Variants in ST6GALNAC3 observed in about 807,000 individuals in gnomAD.
The protein encoded by ST6GALNAC3 is ST6 N-acetylgalactosaminide alpha-2,6-sialyltransferase 3.
Under a neutral mutation model 32.7 loss-of-function variants are expected in ST6GALNAC3, and 25 were observed. That is an observed-to-expected ratio of 0.76 (90% confidence interval 0.56 to 1.07). The LOEUF (loss-of-function observed/expected upper bound fraction) is 1.07, where lower values mean the gene tolerates loss of function less well. ST6GALNAC3 is among the 50% of genes least tolerant of loss of function. ST6GALNAC3 has a pLI of 0.00. For missense variants in ST6GALNAC3, 355 were observed against 382.4 expected, an observed-to-expected ratio of 0.93 and a Z score of 0.60; for synonymous variants, 129 against 133.1, an observed-to-expected ratio of 0.97 and a Z score of 0.21.
intron 3 of ST6GALNAC3, among the ~76,000 whole-genome samples, chr1:76,445,831 T>C (rs1213861873): frequency 6.6e-6 from 1 of 152,196 alleles, no homozygotes; most frequent in Non-Finnish European, 1.5e-5. Flanking sequence ...CCCCTCGTCA[T>C]GTCTTATTCT....
At chr1:76,554,805 A>G (rs41509344) in intron 3 of ST6GALNAC3, among the ~76,000 whole-genome samples, 5,095 of 152,252 alleles carry the variant, frequency 0.033, 286 homozygotes, top group African/African-American at 0.12. Context: ...CACTTCTAAT[A>G]ATTCTAATGA....
chr1:76,322,060 A>T (rs1422746838), intron 2 of ST6GALNAC3, among the ~76,000 whole-genome samples: 1 of 152,150 alleles, frequency 6.6e-6, no homozygotes, highest in Non-Finnish European at 1.5e-5. Context: ...CCATTTGCCA[A>T]CTATCTTGTT....
intron 1 of ST6GALNAC3, among the ~76,000 whole-genome samples, chr1:76,246,703 T>C (rs932636743): frequency 1.2e-4 from 18 of 152,192 alleles, no homozygotes; most frequent in African/African-American, 4.3e-4. Context: ...TAACAGTTCC[T>C]GTAACCTTTT....
intron 3 of ST6GALNAC3, among the ~76,000 whole-genome samples, chr1:76,565,037 C>A (rs1665470252): frequency 6.6e-6 from 1 of 152,156 alleles, no homozygotes; most frequent in Admixed American, 6.5e-5. Context: ...TTCCCCATTT[C>A]CGTTTCCAAA....
intron 3 of ST6GALNAC3, among the ~76,000 whole-genome samples, chr1:76,453,853 C>A (rs1481096188): frequency 6.6e-6 from 1 of 151,998 alleles, no homozygotes; most frequent in Non-Finnish European, 1.5e-5. Context: ...ATCTTGATGA[C>A]CTGTCTAGTG....
intron 1 of ST6GALNAC3, among the ~76,000 whole-genome samples, chr1:76,167,692 G>A (rs1320647688): frequency 2.6e-5 from 4 of 152,104 alleles, no homozygotes; most frequent in Non-Finnish European, 4.4e-5. Context: ...CAGGGATTCA[G>A]TTTCTTCCTG....
intron 1 of ST6GALNAC3, among the ~76,000 whole-genome samples, chr1:76,261,785 C>T (rs1658252546): frequency 1.3e-5 from 2 of 152,082 alleles, no homozygotes; most frequent in African/African-American, 4.8e-5. Flanking sequence ...CCTCTTTTGG[C>T]CTAATGCATT....
intron 1 of ST6GALNAC3, among the ~76,000 whole-genome samples, chr1:76,114,700 G>A (rs970785393): frequency 2.0e-5 from 3 of 152,098 alleles, no homozygotes; most frequent in Non-Finnish European, 2.9e-5. Context: ...TTTGAGGTCA[G>A]GAGTTCGAGA....
At chr1:76,292,845 A>G (rs551381447) in intron 1 of ST6GALNAC3, among the ~76,000 whole-genome samples, 23 of 152,174 alleles carry the variant, frequency 1.5e-4, no homozygotes, top group Non-Finnish European at 2.5e-4. Flanking sequence ...TTTCTGATAT[A>G]TAAAACCAAA....
At chr1:76,467,873 A>G (rs1026642165) in intron 3 of ST6GALNAC3, among the ~76,000 whole-genome samples, 2 of 151,974 alleles carry the variant, frequency 1.3e-5, no homozygotes, top group Admixed American at 1.3e-4. Flanking sequence ...ATGAAATACA[A>G]TTTTCACTGT....
chr1:76,321,276 T>C (rs944687279), intron 2 of ST6GALNAC3, among the ~76,000 whole-genome samples: 2 of 152,068 alleles, frequency 1.3e-5, no homozygotes, highest in Admixed American at 1.3e-4. Context: ...TCTCTGGATG[T>C]CAGTAGCTGT....
intron 1 of ST6GALNAC3, among the ~76,000 whole-genome samples, chr1:76,169,041 A>T (rs999851861): frequency 3.3e-5 from 5 of 152,068 alleles, no homozygotes; most frequent in Admixed American, 2.0e-4. Context: ...TGATTGTTTT[A>T]TAGTGTGACT....
chr1:76,200,582 A>G (rs936261185), intron 1 of ST6GALNAC3, among the ~76,000 whole-genome samples: 6 of 152,182 alleles, frequency 3.9e-5, no homozygotes, highest in African/African-American at 1.4e-4. Context: ...TGCTATGTGT[A>G]TATTCTTAAA....
chr1:76,208,488 C>G (rs982834674), intron 1 of ST6GALNAC3, among the ~76,000 whole-genome samples: 1 of 152,212 alleles, frequency 6.6e-6, no homozygotes, highest in Admixed American at 6.5e-5. Flanking sequence ...CCATGTGCCT[C>G]TGTCTTCTGG....
intron 2 of ST6GALNAC3, among the ~76,000 whole-genome samples, chr1:76,355,438 G>C (rs76549516): frequency 6.6e-6 from 1 of 152,034 alleles, no homozygotes. Flanking sequence ...TTGTGATAAA[G>C]AGGATAAATC....
chr1:76,109,279 C>T (rs1420434600), intron 1 of ST6GALNAC3, among the ~76,000 whole-genome samples: 1 of 152,132 alleles, frequency 6.6e-6, no homozygotes, highest in Non-Finnish European at 1.5e-5. Flanking sequence ...CTACTTCCTC[C>T]CCATTAAGAG....
intron 3 of ST6GALNAC3, among the ~76,000 whole-genome samples, chr1:76,490,242 T>C (rs1183458203): frequency 6.6e-6 from 1 of 152,034 alleles, no homozygotes; most frequent in African/African-American, 2.4e-5. Context: ...AGTTTTCTGA[T>C]GAGATTCCTC....
At chr1:76,399,358 A>G (rs933579932) in intron 2 of ST6GALNAC3, among the ~76,000 whole-genome samples, 5 of 152,190 alleles carry the variant, frequency 3.3e-5, no homozygotes, top group East Asian at 1.9e-4. Context: ...AAATTTGTGT[A>G]TAAGTAAGGG....
At chr1:76,274,695 G>A (rs1231334423) in intron 1 of ST6GALNAC3, among the ~76,000 whole-genome samples, 2 of 152,118 alleles carry the variant, frequency 1.3e-5, no homozygotes, top group Non-Finnish European at 2.9e-5. Flanking sequence ...TCTAATCTCT[G>A]AAAGAAACAG....
Sources: allele counts gnomAD v4.1 joint callset (sites outside exome capture counted in the v4.1 genomes callset), GRCh38; gene constraint gnomAD v4.1.1; transcripts MANE v1.5; gene names NCBI Gene and HGNC (gene_info 2026-07-23, HGNC 2026-07-21).